The following WWP2 variants were observed in gnomAD, a reference collection of about 807,000 sequenced individuals.
The protein encoded by WWP2 is NEDD4-like E3 ubiquitin-protein ligase WWP2.
Under a neutral mutation model 121.0 loss-of-function variants are expected in WWP2, and 57 were observed. That is an observed-to-expected ratio of 0.47 (90% confidence interval 0.38 to 0.59). The LOEUF is 0.59. WWP2 is among the 20% of genes least tolerant of loss of function. The probability of loss-of-function intolerance (pLI) is 0.00; values close to 1 mark genes in which losing one functional copy is unlikely to be tolerated. For missense variants in WWP2, 962 were observed against 1,158.9 expected, an observed-to-expected ratio of 0.83 and a Z score of 2.47; for synonymous variants, 449 against 441.3, an observed-to-expected ratio of 1.02 and a Z score of -0.22.
intron 9 of WWP2, among the ~76,000 whole-genome samples, chr16:69,912,386 C>T (rs925128252): frequency 6.6e-6 from 1 of 151,028 alleles, no homozygotes; most frequent in African/African-American, 2.4e-5. Context: ...CACACACACA[C>T]ACACACACAC....
chr16:69,909,257 T>C (rs1567424225), intron 9 of WWP2: 1 of 992,622 alleles, frequency 1.0e-6, no homozygotes, highest in Non-Finnish European at 1.2e-6. Context: ...TTTGGTTCCC[T>C]GTCTGCCAGG....
intron 4 of WWP2, among the ~76,000 whole-genome samples, chr16:69,819,859 G>C (rs1018563430): frequency 6.6e-6 from 1 of 152,148 alleles, no homozygotes; most frequent in African/African-American, 2.4e-5. Flanking sequence ...CATTTATAGT[G>C]AATTCCCCTT....
chr16:69,916,566 G>C (rs968492012), intron 9 of WWP2, among the ~76,000 whole-genome samples: 7 of 152,166 alleles, frequency 4.6e-5, no homozygotes, highest in South Asian at 4.1e-4. Flanking sequence ...TCTGGACATA[G>C]GAATGGAAAA....
At position 69,917,826 on chromosome 16, in the gene WWP2, G is replaced by C. The variant is rs369893626; in HGVS notation, c.1122G>C (p.Ser374=). 1 of 1,613,928 alleles carries C rather than the reference G, an allele frequency of 6.2e-7. No homozygotes were observed. The highest frequency in any genetic ancestry group is 8.5e-7 in the Non-Finnish European group (1 of 1,179,808). Reference sequence around the variant, plus strand: ...TGCGCAACTATGAGCAGTGGCAGTCGCAGCGGAATCAGCTCCAGGGGGCCA... The same window carrying C: ...TGCGCAACTATGAGCAGTGGCAGTCCCAGCGGAATCAGCTCCAGGGGGCCA... ...EYVRNYEQWQ[S]QRNQLQGAMQ... The change falls in exon 10 of 24, where the codon TCG becomes TCC. Residue 374 remains serine (S), a synonymous_variant. Coordinates refer to ENST00000359154, the MANE Select transcript of WWP2 (RefSeq NM_001270454.2).
At chr16:69,813,161 ATTTT>A (rs201294551) in intron 4 of WWP2, among the ~76,000 whole-genome samples, 2 of 135,976 alleles carry the variant, frequency 1.5e-5, no homozygotes, top group Non-Finnish European at 1.6e-5. Context: ...TTCTGGTGTA[ATTTT>A]TTTTTTTTTT....
chr16:69,917,935 A>G (rs1392527258), intron 10 of WWP2, 52 bp downstream of exon 10: 2 of 1,530,496 alleles, frequency 1.3e-6, no homozygotes, highest in Non-Finnish European at 1.8e-6. Flanking sequence ...TGCGCTTGCG[A>G]ATGTGCAGCC....
At chr16:69,897,204 G>T (rs2151947870) in intron 8 of WWP2, among the ~76,000 whole-genome samples, 1 of 152,130 alleles carries the variant, frequency 6.6e-6, no homozygotes, top group African/African-American at 2.4e-5. Flanking sequence ...CCAGGCTCAG[G>T]TGATCCTCTC....
intron 5 of WWP2, 22 bp from the exon 6 acceptor site, chr16:69,842,002 C>A: frequency 6.2e-7 from 1 of 1,605,942 alleles, no homozygotes; most frequent in Non-Finnish European, 8.5e-7. Context: ...TCTGTCTTTT[C>A]TTGTGATTGA....
At position 69,803,643 on chromosome 16, in the gene WWP2, C is replaced by T. The variant is rs28610117; in HGVS notation, c.340+4348C>T. Among the ~76,000 whole-genome samples, 300 of 152,272 alleles carry T rather than the reference C, an allele frequency of 2.0e-3. 4 individuals carry two copies. The highest frequency in any genetic ancestry group is 6.8e-3 in the African/African-American group (283 of 41,564). On this transcript the variant is annotated intron_variant, in intron 4 of 23. Coordinates refer to ENST00000359154, the MANE Select transcript of WWP2 (RefSeq NM_001270454.2). Reference sequence around the variant, plus strand: ...AGTAAAGGAAGGCAGGGCGCAGTGACTTACACATGTAATCCCAGACCTGGG... The same window carrying T: ...AGTAAAGGAAGGCAGGGCGCAGTGATTTACACATGTAATCCCAGACCTGGG...
intron 8 of WWP2, among the ~76,000 whole-genome samples, chr16:69,888,926 G>A (rs935354780): frequency 7.2e-5 from 11 of 152,150 alleles, no homozygotes; most frequent in South Asian, 2.1e-4. Flanking sequence ...GGCTGGTCTC[G>A]AACTCCTGAC....
At chr16:69,765,745 G>C (rs933251781) in intron 1 of WWP2, among the ~76,000 whole-genome samples, 2 of 152,118 alleles carry the variant, frequency 1.3e-5, no homozygotes, top group Non-Finnish European at 2.9e-5. Flanking sequence ...AATTGCTTGA[G>C]CTCGGGAGAT....
intron 1 of WWP2, among the ~76,000 whole-genome samples, chr16:69,784,060 T>A (rs2055725142): frequency 6.6e-6 from 1 of 151,608 alleles, no homozygotes; most frequent in African/African-American, 2.4e-5. Flanking sequence ...TTTTGCAAGG[T>A]TAAAACTCTT....
chr16:69,774,792 A>C (rs557529718), intron 1 of WWP2: 1 of 152,190 alleles, frequency 6.6e-6, no homozygotes, highest in South Asian at 2.1e-4. Flanking sequence ...CAACTTGGTA[A>C]AATCCTATCT....
chr16:69,796,344 A>G (rs1476219060), intron 2 of WWP2, among the ~76,000 whole-genome samples: 2 of 151,918 alleles, frequency 1.3e-5, no homozygotes, highest in Non-Finnish European at 2.9e-5. Flanking sequence ...TGCATCTGAT[A>G]CTCCTAATCT....
intron 19 of WWP2, 68 bp downstream of exon 19, chr16:69,936,520 A>G: frequency 6.3e-7 from 1 of 1,598,536 alleles, no homozygotes; most frequent in Non-Finnish European, 8.5e-7. Context: ...GCAGAGAAAG[A>G]TGGGCCCCCA....
chr16:69,847,407 T>A (rs1360424989), intron 6 of WWP2, among the ~76,000 whole-genome samples: 1 of 150,552 alleles, frequency 6.6e-6, no homozygotes, highest in East Asian at 2.0e-4. Flanking sequence ...TTTCTTATTT[T>A]TTTTTTTTTT....
chr16:69,793,874 G>A (rs1487958543), intron 2 of WWP2, among the ~76,000 whole-genome samples: 1 of 150,110 alleles, frequency 6.7e-6, no homozygotes, highest in African/African-American at 2.5e-5. Flanking sequence ...GTTTTACAAA[G>A]GTGGTTTCGT....
At chr16:69,806,068 G>A (rs2056268766) in intron 4 of WWP2, among the ~76,000 whole-genome samples, 1 of 149,864 alleles carries the variant, frequency 6.7e-6, no homozygotes, top group Non-Finnish European at 1.5e-5. Flanking sequence ...AGGTGTGATG[G>A]TGTACGCCTG....
intron 4 of WWP2, 30 bp from the exon 5 acceptor site, chr16:69,840,096 C>G (rs757524818): frequency 1.2e-6 from 2 of 1,613,810 alleles, no homozygotes; most frequent in South Asian, 2.2e-5. Flanking sequence ...TTCTCTTTAG[C>G]CCATCCATGT....
Sources: gnomAD v4.1 joint callset for allele counts (sites outside exome capture counted in the v4.1 genomes callset) on GRCh38, gnomAD v4.1.1 for gene constraint, MANE v1.5 for transcripts, NCBI Gene and HGNC (gene_info 2026-07-23, HGNC 2026-07-21) for gene names.